ADD1: variants seen among roughly 807,000 people sequenced by gnomAD.
The protein encoded by ADD1 is alpha-adducin.
Under a neutral mutation model 80.5 loss-of-function variants are expected in ADD1, and 24 were observed. That is an observed-to-expected ratio of 0.30 (90% CI 0.22 to 0.42). The LOEUF (loss-of-function observed/expected upper bound fraction) is 0.42. Ranked by LOEUF, ADD1 falls within the 10% of genes least tolerant of loss-of-function variation. The pLI, the probability that ADD1 is intolerant of heterozygous loss-of-function variation, is 1.00. For missense variants in ADD1, 948 were observed against 1,019.0 expected (o/e 0.93, Z 0.95); for synonymous variants, 373 against 393.8 (o/e 0.95, Z 0.63).
At chr4:2,902,404 A>G (rs1736336089) in intron 9 of ADD1, 2 of 152,234 alleles carry the variant, frequency 1.3e-5, no homozygotes, top group South Asian at 4.1e-4. Context: ...TTATGAAAAT[A>G]AAACCCAAAA....
At chr4:2,915,957 AC>A (rs1254309288) in intron 14 of ADD1, among the ~76,000 whole-genome samples, 1 of 152,014 alleles carries the variant, frequency 6.6e-6, no homozygotes, top group Non-Finnish European at 1.5e-5. Context: ...CTCTGCCAAA[AC>A]GAGGCTGACC....
intron 4 of ADD1, among the ~76,000 whole-genome samples, chr4:2,891,917 T>A (rs1577592696): frequency 1.3e-5 from 2 of 152,220 alleles, no homozygotes; most frequent in East Asian, 3.8e-4. Context: ...GAATTTGTTC[T>A]GTGTTATATA....
At chr4:2,905,458 A>T (rs1038201260) in intron 10 of ADD1, 8 of 267,944 alleles carry the variant, frequency 3.0e-5, no homozygotes, top group African/African-American at 1.7e-4. Flanking sequence ...ACAAAAAGAC[A>T]CTTCAGTCCT....
chr4:2,921,383 C>T (rs1445005211), intron 14 of ADD1, among the ~76,000 whole-genome samples: 1 of 152,194 alleles, frequency 6.6e-6, no homozygotes, highest in Non-Finnish European at 1.5e-5. Context: ...CCGCCTCAGC[C>T]TCCCAAAGTG....
intron 1 of ADD1, among the ~76,000 whole-genome samples, chr4:2,853,904 G>A (rs942957304): frequency 6.6e-6 from 1 of 152,122 alleles, no homozygotes; most frequent in African/African-American, 2.4e-5. Flanking sequence ...GCGTCTGGCC[G>A]TTATTATGTT....
rs367829090 is a variant in ADD1, at chr4:2,926,631, G to T, written c.2047+519G>T. On this transcript the variant is annotated intron_variant, in intron 15 of 15. Transcript: ENST00000683351. This position sits in a 1 kb window ranked among gnomAD's most constrained non-coding sequence, Gnocchi z 5.0. Reference sequence around the variant, plus strand: ...TGTGCTTTTTTCTCCCTGTGGCTGCGTCACAAGCAGGAGACGGATGCGCTA... The same window carrying T: ...TGTGCTTTTTTCTCCCTGTGGCTGCTTCACAAGCAGGAGACGGATGCGCTA... The T allele has an allele frequency of 6.2e-7, 1 of 1,613,608 alleles. No individual in the cohort carries two copies. The highest frequency in any genetic ancestry group is 1.3e-5 in the African/African-American group (1 of 74,984).
Position 2,894,725 on chromosome 4 carries a change from G to T in ADD1, c.735G>T (p.Gly245=), listed in dbSNP as rs1204328814. The change falls in exon 6 of 16, where the codon GGG becomes GGT. Residue 245 remains glycine (G), a synonymous_variant. Coordinates refer to ENST00000683351, the MANE Select transcript of ADD1 (RefSeq NM_001354761.2). The part of the protein sequence containing the change: ...KCVVHIHTPA[G]AAVSAMKCGL... Reference sequence around the variant, plus strand: ...TCGTGCACATTCACACCCCAGCAGGGGCTGCGGTGAGTGGCTGCCCTGGTA... The same window carrying T: ...TCGTGCACATTCACACCCCAGCAGGTGCTGCGGTGAGTGGCTGCCCTGGTA... 2 of 1,597,302 alleles carry T rather than the reference G, an allele frequency of 1.3e-6. No individual in the cohort carries two copies. Among genetic ancestry groups the T allele is most frequent in the African/African-American group, 1.4e-5 (1 of 73,590 alleles).
At chr4:2,903,777 C>A (rs1457323673) in intron 9 of ADD1, among the ~76,000 whole-genome samples, 2 of 152,094 alleles carry the variant, frequency 1.3e-5, no homozygotes, top group Non-Finnish European at 2.9e-5. Flanking sequence ...TCACACTTAC[C>A]AAGTGTGGCC....
chr4:2,856,557 A>T, intron 1 of ADD1, among the ~76,000 whole-genome samples: 1 of 132,304 alleles, frequency 7.6e-6, no homozygotes, highest in African/African-American at 2.8e-5. Context: ...TTATTTCTGC[A>T]TGTTACTCAA....
chr4:2,889,207 T>C (rs77294228), intron 4 of ADD1, among the ~76,000 whole-genome samples: 3,518 of 152,268 alleles, frequency 0.023, 90 homozygotes, highest in African/African-American at 0.057. Context: ...ACAGACATGC[T>C]GTAGTCGGCA....
intron 9 of ADD1, among the ~76,000 whole-genome samples, chr4:2,903,639 T>C (rs954301705): frequency 3.0e-4 from 45 of 152,238 alleles, no homozygotes; most frequent in Non-Finnish European, 7.3e-5. Flanking sequence ...TAAACTCTTC[T>C]GTGATACAGC....
chr4:2,876,898 C>T (rs1009786379), intron 2 of ADD1, among the ~76,000 whole-genome samples: 14 of 148,778 alleles, frequency 9.4e-5, no homozygotes, highest in Admixed American at 3.4e-4. Flanking sequence ...GCTACTCGGG[C>T]GGCTGAGGCA....
intron 14 of ADD1, among the ~76,000 whole-genome samples, chr4:2,923,849 G>T (rs16843596): frequency 0.019 from 2,904 of 152,380 alleles, 60 homozygotes; most frequent in African/African-American, 0.046. Flanking sequence ...CGAGAACGAG[G>T]TTGTGCGTGG....
intron 4 of ADD1, chr4:2,887,678 A>G (rs1488588724): frequency 1.3e-5 from 2 of 152,180 alleles, no homozygotes; most frequent in East Asian, 1.9e-4. Context: ...CTTTGTGACC[A>G]GTGCCCTGTG....
chr4:2,881,474 T>A (rs1218776786), intron 2 of ADD1: 1 of 154,400 alleles, frequency 6.5e-6, no homozygotes, highest in Non-Finnish European at 1.4e-5. Context: ...CTCAAACATA[T>A]ATCAAGAGCA....
chr4:2,848,609 C>T (rs1726610404), intron 1 of ADD1, among the ~76,000 whole-genome samples: 1 of 151,940 alleles, frequency 6.6e-6, no homozygotes, highest in African/African-American at 2.4e-5. Flanking sequence ...GCTAAGACTG[C>T]AGGTTCATGC....
intron 14 of ADD1, among the ~76,000 whole-genome samples, chr4:2,919,804 A>ATT (rs550647160): frequency 2.7e-5 from 4 of 149,996 alleles, no homozygotes; most frequent in African/African-American, 9.8e-5. Context: ...GGATTCATTG[A>ATT]TTTTTTTTTG....
intron 14 of ADD1, among the ~76,000 whole-genome samples, chr4:2,922,178 C>T (rs1740164728): frequency 1.3e-5 from 2 of 152,052 alleles, no homozygotes; most frequent in Non-Finnish European, 2.9e-5. Context: ...TGTTCCCTTG[C>T]TGGTGAGGAG....
intron 1 of ADD1, among the ~76,000 whole-genome samples, chr4:2,849,512 A>G (rs1726746217): frequency 6.6e-6 from 1 of 152,224 alleles, no homozygotes; most frequent in Non-Finnish European, 1.5e-5. Flanking sequence ...AATGGGGCGC[A>G]GTAGATGTAA....
Sources: allele counts gnomAD v4.1 joint callset (sites outside exome capture counted in the v4.1 genomes callset), GRCh38; gene constraint gnomAD v4.1.1; non-coding constraint Gnocchi (gnomAD v3.1); transcripts MANE v1.5; gene names NCBI Gene and HGNC (gene_info 2026-07-23, HGNC 2026-07-21).